APP: variants seen among roughly 807,000 people sequenced by gnomAD.
APP encodes amyloid beta precursor protein.
A neutral mutation model predicts 101.4 loss-of-function variants in APP; 31 were observed. The ratio of observed to expected loss-of-function variants is 0.31; its 90% CI spans 0.23 to 0.41. APP has a LOEUF of 0.41. Among genes scored for constraint, APP ranks in the 10% least tolerant of loss-of-function variants. APP has a pLI of 1.00. For missense variants in APP, 839 were observed against 1,003.7 expected, an observed-to-expected ratio of 0.84 and a Z score of 2.22; for synonymous variants, 366 against 364.4, an observed-to-expected ratio of 1.00 and a Z score of -0.05.
At chr21:26,029,047 G>A (rs1335680702) in intron 5 of APP, among the ~76,000 whole-genome samples, 2 of 152,114 alleles carry the variant, frequency 1.3e-5, no homozygotes, top group Non-Finnish European at 2.9e-5. Flanking sequence ...GTAAGAGCAA[G>A]TGCAAAGGCC....
intron 5 of APP, among the ~76,000 whole-genome samples, chr21:26,029,553 C>A (rs563473048): frequency 1.3e-5 from 2 of 151,910 alleles, no homozygotes; most frequent in Non-Finnish European, 2.9e-5. Context: ...AGTCCAGGGG[C>A]CAAAGATAGC....
chr21:25,903,936 G>A (rs552456024), intron 15 of APP, among the ~76,000 whole-genome samples: 4 of 152,278 alleles, frequency 2.6e-5, no homozygotes, highest in East Asian at 1.9e-4. Flanking sequence ...ATCAGTGACC[G>A]TGCTTGGAGG....
chr21:26,060,053 A>G (rs1368360089), intron 3 of APP, among the ~76,000 whole-genome samples: 1 of 152,134 alleles, frequency 6.6e-6, no homozygotes, highest in Non-Finnish European at 1.5e-5. Context: ...TTGCTCAATA[A>G]ATTATATTAA....
At chr21:26,112,219 A>C (rs2062343795) in intron 1 of APP, 73 bp from the exon 2 acceptor site, 1 of 1,493,814 alleles carries the variant, frequency 6.7e-7, no homozygotes, top group African/African-American at 1.4e-5. Flanking sequence ...GAACAGGGAT[A>C]ACTATCAAAA....
At chr21:26,037,024 A>C (rs2045147146) in intron 5 of APP, among the ~76,000 whole-genome samples, 1 of 152,190 alleles carries the variant, frequency 6.6e-6, no homozygotes, top group Non-Finnish European at 1.5e-5. Context: ...ACGTATAATG[A>C]AATACTATTA....
At chr21:25,997,260 A>C in intron 8 of APP, 100 bp downstream of exon 8, 2 of 1,187,430 alleles carry the variant, frequency 1.7e-6, no homozygotes, top group South Asian at 1.2e-5. Flanking sequence ...GGTGTTCAAG[A>C]AACACAAAAC....
intron 1 of APP, among the ~76,000 whole-genome samples, chr21:26,124,136 A>G (rs1487377239): frequency 6.6e-6 from 1 of 152,224 alleles, no homozygotes; most frequent in East Asian, 1.9e-4. Context: ...ACCTGGCATG[A>G]AAAATAATAA....
intron 13 of APP, among the ~76,000 whole-genome samples, chr21:25,919,868 TAC>T (rs1440840586): frequency 1.3e-5 from 1 of 75,470 alleles, no homozygotes; most frequent in East Asian, 3.5e-4. Context: ...ATTCAGGAAA[TAC>T]AGAGAACGCC....
At chr21:25,999,292 T>TA (rs1442477797) in intron 7 of APP, among the ~76,000 whole-genome samples, 6 of 152,006 alleles carry the variant, frequency 3.9e-5, no homozygotes, top group Non-Finnish European at 7.4e-5. Context: ...ACCCTGTCTT[T>TA]AAAAAAACAA....
intron 17 of APP, among the ~76,000 whole-genome samples, chr21:25,882,044 CAG>C (rs2037023095): frequency 6.6e-6 from 1 of 152,060 alleles, no homozygotes; most frequent in African/African-American, 2.4e-5. Context: ...CCCAACTCCA[CAG>C]TAAGTGGATA....
At chr21:26,134,090 G>C (rs1315864480) in intron 1 of APP, among the ~76,000 whole-genome samples, 1 of 152,090 alleles carries the variant, frequency 6.6e-6, no homozygotes. Flanking sequence ...GGACTCAAGC[G>C]ATCTTCCCAC....
At chr21:25,889,100 G>A (rs66745228) in intron 17 of APP, among the ~76,000 whole-genome samples, 30,450 of 152,148 alleles carry the variant, frequency 0.2, 3,511 homozygotes, top group South Asian at 0.36. Flanking sequence ...GGTCTGTTAC[G>A]GGCTAAAACG....
intron 5 of APP, among the ~76,000 whole-genome samples, chr21:26,025,814 T>C (rs1391039785): frequency 2.0e-5 from 3 of 152,254 alleles, no homozygotes; most frequent in African/African-American, 7.2e-5. Context: ...TCCAAGTTCT[T>C]ATTACCATAG....
chr21:25,988,461 G>A (rs1179735653), intron 8 of APP, among the ~76,000 whole-genome samples: 2 of 152,146 alleles, frequency 1.3e-5, no homozygotes, highest in Admixed American at 6.5e-5. Context: ...CAGCACTTTG[G>A]GAGTCTGAGG....
At chr21:26,056,236 A>C (rs1393828135) in intron 3 of APP, among the ~76,000 whole-genome samples, 1 of 152,012 alleles carries the variant, frequency 6.6e-6, no homozygotes, top group South Asian at 2.1e-4. Flanking sequence ...CAGGGTCTAG[A>C]TATGTTGCCC....
chr21:25,988,820 T>C (rs2042745679), intron 8 of APP, among the ~76,000 whole-genome samples: 1 of 138,716 alleles, frequency 7.2e-6, no homozygotes, highest in African/African-American at 3.0e-5. Flanking sequence ...GATTCCCTTC[T>C]TTCTCTCACA....
chr21:25,976,501 A>G (rs45447996), intron 9 of APP, among the ~76,000 whole-genome samples: 4,193 of 152,314 alleles, frequency 0.028, 224 homozygotes, highest in East Asian at 0.16. Context: ...CAATGCCAAA[A>G]AGCAGTACAT....
At chr21:25,938,735 C>G (rs1034120507) in intron 13 of APP, among the ~76,000 whole-genome samples, 2 of 152,182 alleles carry the variant, frequency 1.3e-5, no homozygotes, top group African/African-American at 4.8e-5. Flanking sequence ...CTTAAAGCAG[C>G]TAAACCGAAG....
chr21:26,150,201 T>A (rs924677884), intron 1 of APP, among the ~76,000 whole-genome samples: 2 of 152,022 alleles, frequency 1.3e-5, no homozygotes, highest in Non-Finnish European at 2.9e-5. Flanking sequence ...TGTGGAGAAG[T>A]CACAAGACAA....
Sources: gnomAD v4.1 joint callset for allele counts (sites outside exome capture counted in the v4.1 genomes callset) on GRCh38, gnomAD v4.1.1 for gene constraint, MANE v1.5 for transcripts, NCBI Gene and HGNC (gene_info 2026-07-23, HGNC 2026-07-21) for gene names.